The following SULF1 variants were observed in gnomAD, a reference collection of about 807,000 sequenced individuals.
SULF1 encodes the protein sulfatase 1, also known as extracellular sulfatase Sulf-1.
Under a neutral mutation model 110.5 loss-of-function variants are expected in SULF1, and 46 were observed. That is an observed-to-expected ratio of 0.42 (90% CI 0.33 to 0.53). The LOEUF is 0.53. Ranked by LOEUF, SULF1 falls within the 20% of genes least tolerant of loss-of-function variation. The probability of loss-of-function intolerance (pLI) is 0.12; values close to 1 mark genes in which losing one functional copy is unlikely to be tolerated. For synonymous variants in SULF1, 371 were observed against 387.1 expected, an observed-to-expected ratio of 0.96 and a Z score of 0.49; for missense variants, 941 against 1,094.2, an observed-to-expected ratio of 0.86 and a Z score of 1.98.
chr8:69,589,061 G>A lies in SULF1; in HGVS notation c.654G>A (p.Val218=), dbSNP rs754837734. 5 of 1,614,186 alleles carry A rather than the reference G, an allele frequency of 3.1e-6. No individual in the cohort carries two copies. In the East Asian group the frequency reaches 8.9e-5, roughly 29 times the overall value. ...ATCCCCATAGGCCCGTTATGATGGTGATCAGCCACGCTGCGCCCCACGGCC... is the reference window on the plus strand; with the variant it reads ...ATCCCCATAGGCCCGTTATGATGGTAATCAGCCACGCTGCGCCCCACGGCC... ...RMYPHRPVMM[V]ISHAAPHGPE... The change falls in exon 8 of 23, where the codon GTG becomes GTA. Residue 218 remains valine (V), a synonymous_variant. Coordinates refer to ENST00000402687, the MANE Select transcript of SULF1 (RefSeq NM_001128205.2).
rs1478061015 is a variant in SULF1 at position 69,624,165 on chromosome 8, G to C, written c.1818G>C (p.Val606=). The change falls in exon 15 of 23, where the codon GTG becomes GTC. Residue 606 remains valine, a synonymous_variant. Transcript: ENST00000402687. ...GRMLADSSNA[V]GPPTTVRVTH... ...TGCTGGCAGATAGCAGCAACGCCGT[G>C]GGCCCACCTACCACTGTCCGAGTGA... The C allele has an allele frequency of 6.2e-7, 1 of 1,607,730 alleles. No homozygotes were observed. Among genetic ancestry groups the C allele is most frequent in the Non-Finnish European group, 8.5e-7 (1 of 1,176,138 alleles).
At chr8:69,503,100 C>T (rs1280184878) in intron 3 of SULF1, among the ~76,000 whole-genome samples, 1 of 152,140 alleles carries the variant, frequency 6.6e-6, no homozygotes, top group Non-Finnish European at 1.5e-5. Flanking sequence ...AAGTCTGGCC[C>T]GAATTTCAGG....
intron 3 of SULF1, among the ~76,000 whole-genome samples, chr8:69,503,269 T>C (rs1366104867): frequency 6.6e-6 from 1 of 152,186 alleles, no homozygotes; most frequent in African/African-American, 2.4e-5. Context: ...GCATCAGCAG[T>C]TTTTCTAGAA....
chr8:69,477,861 C>G (rs1047466636), intron 1 of SULF1, among the ~76,000 whole-genome samples: 2 of 151,708 alleles, frequency 1.3e-5, no homozygotes, highest in Non-Finnish European at 2.9e-5. Context: ...AAAGCATTCT[C>G]CTTTGTTTTT....
At chr8:69,601,863 C>T (rs376204234) in intron 10 of SULF1, 34 bp downstream of exon 10, 7 of 1,569,630 alleles carry the variant, frequency 4.5e-6, no homozygotes, top group Middle Eastern at 1.7e-4. Context: ...ATTCAACTGT[C>T]GTACCTCAAG....
chr8:69,650,040 G>A (rs1421256786), intron 22 of SULF1, among the ~76,000 whole-genome samples: 1 of 122,054 alleles, frequency 8.2e-6, no homozygotes, highest in African/African-American at 3.1e-5. Flanking sequence ...CTGTCACCCA[G>A]GCTGGAGTAC....
rs547868123 is a variant in SULF1, at chr8:69,574,887, T to C, written c.173-1083T>C. Reference sequence around the variant, plus strand: ...GTCATGTGAACGGTAAAAGCTAGTATATGAAGACACGGGGCTAACTGTGGC... The same window carrying C: ...GTCATGTGAACGGTAAAAGCTAGTACATGAAGACACGGGGCTAACTGTGGC... On this transcript the variant is annotated intron_variant, in intron 5 of 22. Transcript: ENST00000402687. Among the ~76,000 whole-genome samples, 3 of 152,334 alleles carry C rather than the reference T, an allele frequency of 2.0e-5. No individual in the cohort carries two copies. In the South Asian group the frequency reaches 6.2e-4, roughly 32 times the overall value.
chr8:69,496,108 T>G (rs1182041380), intron 2 of SULF1, among the ~76,000 whole-genome samples, 182 bp downstream of exon 2: 3 of 151,898 alleles, frequency 2.0e-5, no homozygotes, highest in African/African-American at 7.2e-5. Flanking sequence ...GCACTTAATC[T>G]TCTAGGCAAA....
intron 3 of SULF1, among the ~76,000 whole-genome samples, chr8:69,522,883 C>A (rs1230251482): frequency 5.9e-5 from 9 of 151,852 alleles, no homozygotes; most frequent in Admixed American, 5.9e-4. Context: ...AGAGAGAAAG[C>A]CTGATTATTT....
intron 21 of SULF1, among the ~76,000 whole-genome samples, chr8:69,639,363 A>G (rs1486730912): frequency 1.3e-5 from 2 of 152,198 alleles, no homozygotes; most frequent in Non-Finnish European, 2.9e-5. Context: ...AACTAGAGAT[A>G]TTGGAGCAGT....
intron 5 of SULF1, among the ~76,000 whole-genome samples, chr8:69,565,201 G>A (rs541606956): frequency 8.6e-5 from 13 of 151,020 alleles, no homozygotes; most frequent in South Asian, 6.3e-4. Context: ...TATTGCTGAC[G>A]TTGGTTTGAG....
intron 3 of SULF1, among the ~76,000 whole-genome samples, chr8:69,507,422 A>C (rs1046525589): frequency 3.3e-5 from 5 of 152,132 alleles, no homozygotes; most frequent in African/African-American, 1.2e-4. Context: ...GCAAATATTC[A>C]ATTTTAGGTT....
rs568532747 is a variant in SULF1, at chr8:69,560,576, T to C, written c.-133-2963T>C. 2.6e-5 allele frequency among the ~76,000 whole-genome samples: 4 copies of C among 152,362 alleles called. No homozygotes were observed. In the East Asian group the frequency reaches 5.8e-4, roughly 22 times the overall value. On this transcript the variant is annotated intron_variant, in intron 3 of 22. Coordinates refer to ENST00000402687, the MANE Select transcript of SULF1 (RefSeq NM_001128205.2). ...TCACTCTGTATGTATAAGAAAAACC[T>C]TTCTGCATTTCTTTCATTTTCTACT...
rs780127509 is a variant in SULF1 at position 69,563,953 on chromosome 8, T to C, written c.-23T>C. ...CAGGAGACGGAGACATTTTGTCAGTTTTGCAACATTGGACCAAATACAATG... is the reference window on the plus strand; with the variant it reads ...CAGGAGACGGAGACATTTTGTCAGTCTTGCAACATTGGACCAAATACAATG... On this transcript the variant is annotated 5_prime_UTR_variant, in exon 5 of 23. Coordinates refer to ENST00000402687, the MANE Select transcript of SULF1 (RefSeq NM_001128205.2). The C allele has an allele frequency of 5.8e-5, 94 of 1,608,332 alleles. No individual in the cohort carries two copies. Among genetic ancestry groups the C allele is most frequent in the Non-Finnish European group, 7.7e-5 (91 of 1,175,338 alleles).
chr8:69,589,175 A>T, intron 8 of SULF1, 34 bp downstream of exon 8: 1 of 1,597,540 alleles, frequency 6.3e-7, no homozygotes, highest in Non-Finnish European at 8.6e-7. Flanking sequence ...GACCTGCCGA[A>T]CATGCCTTTC....
intron 15 of SULF1, among the ~76,000 whole-genome samples, chr8:69,625,541 C>T (rs1809936951): frequency 2.0e-5 from 3 of 152,132 alleles, no homozygotes; most frequent in Non-Finnish European, 4.4e-5. Context: ...CTGGTGGGTT[C>T]GTGGTCTCGC....
chr8:69,628,414 G>A (rs569992524), intron 18 of SULF1, among the ~76,000 whole-genome samples, 178 bp downstream of exon 18: 3 of 152,288 alleles, frequency 2.0e-5, no homozygotes, highest in Admixed American at 6.5e-5. Context: ...CCAAGGGACC[G>A]TGGCAATGCT....
At chr8:69,533,404 C>T (rs962499679) in intron 3 of SULF1, among the ~76,000 whole-genome samples, 13 of 152,140 alleles carry the variant, frequency 8.5e-5, no homozygotes, top group Non-Finnish European at 1.5e-5. Flanking sequence ...TCCCTCCCTC[C>T]GTCCCCCTCC....
At chr8:69,649,461 G>A (rs1455664127) in intron 22 of SULF1, among the ~76,000 whole-genome samples, 1 of 152,186 alleles carries the variant, frequency 6.6e-6, no homozygotes, top group East Asian at 1.9e-4. Flanking sequence ...TACATTTCAT[G>A]TTCAAATGTT....
Sources: gnomAD v4.1 joint callset for allele counts (sites outside exome capture counted in the v4.1 genomes callset) on GRCh38, gnomAD v4.1.1 for gene constraint, MANE v1.5 for transcripts, NCBI Gene and HGNC (gene_info 2026-07-23, HGNC 2026-07-21) for gene names.